Variants in CEP112 observed in about 807,000 individuals in gnomAD.
The protein encoded by CEP112 is centrosomal protein of 112 kDa.
A neutral mutation model predicts 153.0 loss-of-function variants in CEP112; 127 were observed. The ratio of observed to expected loss-of-function variants is 0.83; its 90% CI spans 0.72 to 0.96. The LOEUF (loss-of-function observed/expected upper bound fraction) is 0.96, where lower values mean the gene tolerates loss of function less well. CEP112 is among the 40% of genes least tolerant of loss of function. The pLI is 0.00. For synonymous variants in CEP112, 358 were observed against 374.4 expected, an observed-to-expected ratio of 0.96 and a Z score of 0.51; for missense variants, 1,089 against 1,101.2, an observed-to-expected ratio of 0.99 and a Z score of 0.16.
intron 20 of CEP112, among the ~76,000 whole-genome samples, chr17:65,882,745 G>A (rs902323410): frequency 6.6e-5 from 10 of 152,188 alleles, no homozygotes; most frequent in Admixed American, 3.3e-4. Flanking sequence ...GTCACTGTAT[G>A]TTAAAAATTT....
intron 17 of CEP112, among the ~76,000 whole-genome samples, chr17:65,968,460 T>C (rs987574966): frequency 1.3e-5 from 2 of 152,192 alleles, no homozygotes; most frequent in African/African-American, 4.8e-5. Flanking sequence ...GACAGAAGCT[T>C]TTCTGCTCAT....
intron 23 of CEP112, among the ~76,000 whole-genome samples, chr17:65,697,589 C>G (rs567541292): frequency 6.6e-6 from 1 of 152,076 alleles, no homozygotes; most frequent in South Asian, 2.1e-4. Context: ...GAGGATCAAG[C>G]CCTGTCATCC....
intron 21 of CEP112, among the ~76,000 whole-genome samples, chr17:65,775,190 A>G (rs1855085610): frequency 6.6e-6 from 1 of 151,968 alleles, no homozygotes; most frequent in African/African-American, 2.4e-5. Context: ...GCCTAAAGAG[A>G]GAGCGAGCCA....
chr17:65,781,375 A>C (rs1895033), intron 21 of CEP112, among the ~76,000 whole-genome samples: 80,607 of 151,982 alleles, frequency 0.53, 23,199 homozygotes, highest in Non-Finnish European at 0.66. Context: ...ACATTCTATG[A>C]TCATGGATTG....
intron 21 of CEP112, among the ~76,000 whole-genome samples, chr17:65,759,219 T>A (rs1422095240): frequency 6.6e-6 from 1 of 152,210 alleles, no homozygotes; most frequent in Non-Finnish European, 1.5e-5. Flanking sequence ...TTGTTTAGCA[T>A]GTAATCAAGA....
chr17:65,778,332 T>C (rs1260851640), intron 21 of CEP112, among the ~76,000 whole-genome samples: 3 of 152,236 alleles, frequency 2.0e-5, no homozygotes, highest in African/African-American at 7.2e-5. Flanking sequence ...ATCACTTTTT[T>C]GCTTTGCAGT....
intron 8 of CEP112, among the ~76,000 whole-genome samples, chr17:66,084,223 T>G (rs1037665727): frequency 6.6e-6 from 1 of 152,080 alleles, no homozygotes; most frequent in Non-Finnish European, 1.5e-5. Context: ...GGAATGTAAA[T>G]TAATACAACC....
At chr17:65,839,926 C>T (rs1042905255) in intron 21 of CEP112, among the ~76,000 whole-genome samples, 6 of 150,968 alleles carry the variant, frequency 4.0e-5, no homozygotes, top group African/African-American at 1.5e-4. Flanking sequence ...TTTACAGCAG[C>T]GATAAAAAAA....
At chr17:65,813,907 T>A (rs1218336532) in intron 21 of CEP112, among the ~76,000 whole-genome samples, 1 of 152,186 alleles carries the variant, frequency 6.6e-6, no homozygotes, top group Non-Finnish European at 1.5e-5. Context: ...AATGTCAACG[T>A]TTAACACAAA....
Position 65,809,854 on chromosome 17 carries a change from G to C in CEP112, c.2394+41950C>G, listed in dbSNP as rs950574399. On this transcript the variant is annotated intron_variant, in intron 21 of 26. Coordinates refer to ENST00000535342, the MANE Select transcript of CEP112 (RefSeq NM_001199165.4). ...AGTTAGGGACTGAGTAAAGGAAGTG[G>C]GGGGGGGAAGATAAGGTGGTGTTAC... 1.6e-4 allele frequency among the ~76,000 whole-genome samples: 22 copies of C among 138,276 alleles called. 1 individual carries two copies. Among genetic ancestry groups the C allele is most frequent in the South Asian group, 1.5e-3 (6 of 4,098 alleles). 90.7% of individuals were successfully genotyped at this position (138,276 alleles called of 152,430 possible). A position where few individuals can be genotyped will look rare whatever the true frequency, so the allele number is the denominator to read the frequency against.
chr17:65,870,064 A>AGAAAGAAAGAAAGAAAGAAAGAAAG, intron 20 of CEP112, among the ~76,000 whole-genome samples: 1 of 83,126 alleles, frequency 1.2e-5, no homozygotes, highest in Non-Finnish European at 2.9e-5. Flanking sequence ...AAAGAAAGAA[A>AGAAAGAAAGAAAGAAAGAAAGAAAG]GAAAGAAAGA....
At chr17:66,074,880 A>G (rs1157668858) in intron 8 of CEP112, among the ~76,000 whole-genome samples, 1 of 151,312 alleles carries the variant, frequency 6.6e-6, no homozygotes, top group Non-Finnish European at 1.5e-5. Context: ...AAAGAAAAAA[A>G]AAAAAAAAGA....
intron 16 of CEP112, among the ~76,000 whole-genome samples, chr17:66,022,711 G>GGAAAAAAAAAAAAAAAAAAAAAAAAAA (rs60618756): frequency 7.9e-6 from 1 of 127,070 alleles, no homozygotes. Context: ...TCCGCCTCAA[G>GGAAAAAAAAAAAAAAAAAAAAAAAAAA]AAAAAAAAAA....
chr17:65,787,438 G>A (rs1421394868), intron 21 of CEP112, among the ~76,000 whole-genome samples: 3 of 152,140 alleles, frequency 2.0e-5, no homozygotes, highest in South Asian at 2.1e-4. Context: ...AGCTATAATC[G>A]CACCAGTGCA....
At chr17:66,079,937 G>A (rs1002791092) in intron 8 of CEP112, among the ~76,000 whole-genome samples, 5 of 152,102 alleles carry the variant, frequency 3.3e-5, no homozygotes, top group Admixed American at 2.0e-4. Context: ...AAATGGTGTT[G>A]GGAAAACTGG....
intron 23 of CEP112, among the ~76,000 whole-genome samples, chr17:65,694,186 AG>A (rs1373458387): frequency 6.6e-6 from 1 of 152,162 alleles, no homozygotes; most frequent in Non-Finnish European, 1.5e-5. Context: ...AAATGAGAAG[AG>A]GTTCTAAAAC....
chr17:65,637,268 T>C, intron 25 of CEP112, 80 bp from the exon 26 acceptor site: 1 of 960,812 alleles, frequency 1.0e-6, no homozygotes, highest in East Asian at 2.4e-5. Context: ...TAAGATTTTA[T>C]TTAAATTCAG....
chr17:65,974,289 C>G (rs192410521), intron 17 of CEP112, among the ~76,000 whole-genome samples: 1 of 152,046 alleles, frequency 6.6e-6, no homozygotes, highest in African/African-American at 2.4e-5. Context: ...TTTGTCCAAG[C>G]TGGTCTCAAA....
chr17:65,770,973 AG>A (rs1247436276), intron 21 of CEP112, among the ~76,000 whole-genome samples: 1 of 151,328 alleles, frequency 6.6e-6, no homozygotes, highest in Non-Finnish European at 1.5e-5. Flanking sequence ...GTAGGAAAAG[AG>A]GAGAAAGAAA....
Sources: gnomAD v4.1 joint callset for allele counts (sites outside exome capture counted in the v4.1 genomes callset) on GRCh38, gnomAD v4.1.1 for gene constraint, MANE v1.5 for transcripts, NCBI Gene and HGNC (gene_info 2026-07-23, HGNC 2026-07-21) for gene names.